The following CRYBA4 variants were observed in gnomAD, a reference collection of about 807,000 sequenced individuals.
CRYBA4 encodes the protein beta-crystallin A4.
A neutral mutation model predicts 31.7 loss-of-function variants in CRYBA4; 30 were observed. That is an observed-to-expected ratio of 0.95 (90% CI 0.71 to 1.28). CRYBA4 has a LOEUF of 1.28. Ranked by LOEUF, CRYBA4 falls within the 50% of genes most tolerant of loss-of-function variation. The pLI is 0.00. For missense variants in CRYBA4, 225 were observed against 260.7 expected (o/e 0.86, Z 0.94); for synonymous variants, 102 against 102.3 (o/e 1.00, Z 0.02).
At chr22:26,627,115 C>T (rs1929724500) in intron 4 of CRYBA4, among the ~76,000 whole-genome samples, 1 of 152,102 alleles carries the variant, frequency 6.6e-6, no homozygotes, top group Admixed American at 6.6e-5. Flanking sequence ...TCCCTCATTC[C>T]CAGCAGTTTG....
chr22:26,621,531 G>A (rs1929531178), upstream of CRYBA4, among the ~76,000 whole-genome samples: 1 of 152,192 alleles, frequency 6.6e-6, no homozygotes, highest in Non-Finnish European at 1.5e-5. Context: ...GAAAGGAATA[G>A]GCATTTCCTG....
At chr22:26,629,843 T>C (rs1438147099) in intron 5 of CRYBA4, among the ~76,000 whole-genome samples, 1 of 151,996 alleles carries the variant, frequency 6.6e-6, no homozygotes, top group Non-Finnish European at 1.5e-5. Flanking sequence ...AGACTTCCCA[T>C]TCCTTCACTT....
upstream of CRYBA4, among the ~76,000 whole-genome samples, chr22:26,619,064 G>T (rs1929452998): frequency 6.6e-6 from 1 of 152,208 alleles, no homozygotes; most frequent in Non-Finnish European, 1.5e-5. Flanking sequence ...GGCCTGGCTA[G>T]GTAGAGCTTG....
At chr22:26,607,019 CTT>C in the CRYBA4 span, among the ~76,000 whole-genome samples, 15,132 of 111,236 alleles carry the variant, frequency 0.14, 740 homozygotes, top group East Asian at 0.26. Flanking sequence ...TATCCCTCTC[CTT>C]TTTTTTTTTT....
Position 26,623,314 on chromosome 22 carries a change from C to G in CRYBA4, c.120C>G (p.Gly40=), listed in dbSNP as rs1404231021. The change falls in exon 3 of 6, where the codon GGC becomes GGG. Residue 40 remains glycine (G), a synonymous_variant. Coordinates refer to ENST00000354760, the MANE Select transcript of CRYBA4 (RefSeq NM_001886.3). ...TAECPSVLEL[G]FETVRSLKVL... is the part of the protein sequence containing the mutation. ...AGTGCCCCAGCGTGCTGGAGCTTGG[C>G]TTCGAGACTGTGCGATCTTTGAAAG... 9 of 1,614,080 alleles carry G rather than the reference C, an allele frequency of 5.6e-6. No individual in the cohort carries two copies. The East Asian group carries it at 2.0e-4, about 36-fold the overall frequency.
At chr22:26,610,569 A>C in the CRYBA4 span, among the ~76,000 whole-genome samples, 1 of 152,182 alleles carries the variant, frequency 6.6e-6, no homozygotes, top group African/African-American at 2.4e-5. Context: ...TTTGGGGCTG[A>C]GGGTGGAGCT....
rs776573050 is a variant in CRYBA4, at chr22:26,625,549, G to C, written c.227G>C (p.Ser76Thr). ...QYILERGEYP[S>T]WDAWGGNTAY... Reference sequence around the variant, plus strand: ...ATTCTGGAACGAGGCGAATATCCAAGCTGGGATGCCTGGGGCGGCAACACG... The same window carrying C: ...ATTCTGGAACGAGGCGAATATCCAACCTGGGATGCCTGGGGCGGCAACACG... The change falls in exon 4 of 6, where the codon AGC becomes ACC. Residue 76 changes from serine (S) to threonine (T), a missense_variant. Transcript: ENST00000354760. The C allele has an allele frequency of 9.3e-6, 15 of 1,613,962 alleles. No homozygotes were observed. The East Asian group carries it at 2.9e-4, about 31-fold the overall frequency.
chr22:26,625,380 C>A, intron 3 of CRYBA4, 101 bp from the exon 4 acceptor site: 2 of 1,395,926 alleles, frequency 1.4e-6, no homozygotes, highest in South Asian at 1.2e-5. Context: ...ACAGTCACCC[C>A]TGAATGGTTG....
chr22:26,626,849 A>G (rs1192308715), intron 4 of CRYBA4, among the ~76,000 whole-genome samples: 1 of 152,174 alleles, frequency 6.6e-6, no homozygotes, highest in East Asian at 1.9e-4. Flanking sequence ...TGTATAATCT[A>G]TATATCTTAT....
the CRYBA4 span, chr22:26,607,929 T>C: frequency 6.2e-7 from 1 of 1,614,222 alleles, no homozygotes; most frequent in South Asian, 1.1e-5. Flanking sequence ...ATCACTGCGG[T>C]AGCTGCTCGA....
At chr22:26,622,658 G>C in intron 2 of CRYBA4, 23 bp downstream of exon 2, 1 of 1,573,094 alleles carries the variant, frequency 6.4e-7, no homozygotes, top group Non-Finnish European at 8.8e-7. Context: ...ATGGGGAGGG[G>C]GTGTTCAGGG....
At chr22:26,593,027 C>G in the CRYBA4 span, among the ~76,000 whole-genome samples, 2 of 152,148 alleles carry the variant, frequency 1.3e-5, no homozygotes, top group South Asian at 2.1e-4. Context: ...AGGCTAATTG[C>G]CCCTCAGGAC....
intron 4 of CRYBA4, among the ~76,000 whole-genome samples, chr22:26,627,516 C>A: frequency 1.1e-5 from 1 of 91,860 alleles, no homozygotes; most frequent in Non-Finnish European, 2.3e-5. Context: ...TTCTTTCTTT[C>A]TTTCTTTCTC....
chr22:26,607,019 CTTT>C, the CRYBA4 span, among the ~76,000 whole-genome samples: 67 of 111,958 alleles, frequency 6.0e-4, no homozygotes, highest in Admixed American at 1.9e-3. Context: ...TATCCCTCTC[CTTT>C]TTTTTTTTTT....
At chr22:26,608,462 C>T in the CRYBA4 span, among the ~76,000 whole-genome samples, 100 of 152,282 alleles carry the variant, frequency 6.6e-4, 1 homozygote, top group African/African-American at 2.4e-3. Flanking sequence ...CTAATCTCTC[C>T]TTTTTTTCTT....
chr22:26,629,820 A>T (rs1661321400), intron 5 of CRYBA4, among the ~76,000 whole-genome samples: 2 of 151,718 alleles, frequency 1.3e-5, no homozygotes, highest in South Asian at 4.2e-4. Context: ...GGAGGGAGAA[A>T]GGGGAAAGAA....
chr22:26,595,483 G>C, the CRYBA4 span, among the ~76,000 whole-genome samples: 1 of 152,002 alleles, frequency 6.6e-6, no homozygotes, highest in South Asian at 2.1e-4. Context: ...GGAGGCTGAG[G>C]CAGGAAAATC....
At chr22:26,604,378 GATTATCTACTGTT>G in the CRYBA4 span, among the ~76,000 whole-genome samples, 2 of 152,236 alleles carry the variant, frequency 1.3e-5, no homozygotes, top group Non-Finnish European at 2.9e-5. Flanking sequence ...TGGATGCTGT[GATTATCTACTGTT>G]ATTATCTACT....
At chr22:26,621,735 G>A (rs542776141), upstream of CRYBA4, among the ~76,000 whole-genome samples, 32 of 152,326 alleles carry the variant, frequency 2.1e-4, no homozygotes, top group African/African-American at 5.5e-4. Context: ...TGGGGCTGAT[G>A]AGGGCCAATA....
Sources: gnomAD v4.1 joint callset for allele counts (sites outside exome capture counted in the v4.1 genomes callset) on GRCh38, gnomAD v4.1.1 for gene constraint, MANE v1.5 for transcripts, NCBI Gene and HGNC (gene_info 2026-07-23, HGNC 2026-07-21) for gene names.